SNAP91: variants seen among roughly 807,000 people sequenced by gnomAD.
SNAP91 encodes clathrin coat assembly protein AP180.
A neutral mutation model predicts 100.3 loss-of-function variants in SNAP91; 27 were observed. The ratio of observed to expected loss-of-function variants is 0.27; its 90% confidence interval spans 0.20 to 0.37. SNAP91 has a LOEUF of 0.37. Among genes scored for constraint, SNAP91 ranks in the 10% least tolerant of loss-of-function variants. The pLI is 1.00. For synonymous variants in SNAP91, 404 were observed against 398.6 expected (o/e 1.01, Z -0.16); for missense variants, 986 against 1,123.7 (o/e 0.88, Z 1.75).
intron 28 of SNAP91, among the ~76,000 whole-genome samples, chr6:83,558,002 T>G (rs1489376138): frequency 6.6e-6 from 1 of 152,022 alleles, no homozygotes; most frequent in East Asian, 1.9e-4. Context: ...TATCATTACC[T>G]GGCTTATTAT....
At chr6:83,598,587 T>C (rs1332439015) in intron 16 of SNAP91, among the ~76,000 whole-genome samples, 2 of 152,192 alleles carry the variant, frequency 1.3e-5, no homozygotes, top group African/African-American at 4.8e-5. Flanking sequence ...CTGTACATAT[T>C]GCATAGGACC....
Position 83,640,487 on chromosome 6 carries a change from T to G in SNAP91, c.765+609A>C, listed in dbSNP as rs1024285253. Among the ~76,000 whole-genome samples, 9 of 152,274 alleles carry G rather than the reference T, an allele frequency of 5.9e-5. No homozygotes were observed. In the Middle Eastern group the frequency reaches 0.01, roughly 174 times the overall value. ...AATGTTATAATTTCCAATATCAGCATGAATCATTAATTGGATTTTATAAGA... is the reference window on the plus strand; with the variant it reads ...AATGTTATAATTTCCAATATCAGCAGGAATCATTAATTGGATTTTATAAGA... On this transcript the variant is annotated intron_variant, in intron 8 of 29. Coordinates refer to ENST00000369694, the MANE Select transcript of SNAP91 (RefSeq NM_001242792.2).
chr6:83,614,108 C>G (rs1056891581), intron 11 of SNAP91, among the ~76,000 whole-genome samples: 1 of 152,074 alleles, frequency 6.6e-6, no homozygotes, highest in African/African-American at 2.4e-5. Flanking sequence ...TAACAATAAT[C>G]CCTACATAAT....
At chr6:83,681,224 C>A (rs1483701605) in intron 2 of SNAP91, among the ~76,000 whole-genome samples, 1 of 152,128 alleles carries the variant, frequency 6.6e-6, no homozygotes, top group African/African-American at 2.4e-5. Flanking sequence ...ATTTCTGAAG[C>A]AATTGTAGGT....
chr6:83,586,985 T>C (rs1323479028), intron 22 of SNAP91, among the ~76,000 whole-genome samples: 2 of 152,212 alleles, frequency 1.3e-5, no homozygotes, highest in Non-Finnish European at 2.9e-5. Flanking sequence ...TCAAGTGCTG[T>C]TTAATTCTGG....
At chr6:83,651,599 G>A (rs1317519528) in intron 7 of SNAP91, among the ~76,000 whole-genome samples, 1 of 152,120 alleles carries the variant, frequency 6.6e-6, no homozygotes, top group Non-Finnish European at 1.5e-5. Context: ...TGGTCTGAGA[G>A]CAGATGGTTG....
chr6:83,558,944 A>G (rs1782953176), intron 28 of SNAP91, among the ~76,000 whole-genome samples: 1 of 152,242 alleles, frequency 6.6e-6, no homozygotes, highest in Non-Finnish European at 1.5e-5. Flanking sequence ...ACTAGCAGCA[A>G]AACGGTTCAA....
chr6:83,660,407 A>G (rs908847147), intron 5 of SNAP91, among the ~76,000 whole-genome samples: 28 of 152,230 alleles, frequency 1.8e-4, no homozygotes, highest in African/African-American at 6.3e-4. Flanking sequence ...AACTAAGGTC[A>G]GGTTAGCCAT....
At chr6:83,655,092 A>T (rs999627666) in intron 7 of SNAP91, among the ~76,000 whole-genome samples, 1 of 152,194 alleles carries the variant, frequency 6.6e-6, no homozygotes, top group Non-Finnish European at 1.5e-5. Context: ...AGCTGCCTTG[A>T]TAAGTCACAT....
chr6:83,669,642 C>G (rs2098748271), intron 2 of SNAP91, among the ~76,000 whole-genome samples: 1 of 151,948 alleles, frequency 6.6e-6, no homozygotes, highest in Admixed American at 6.6e-5. Context: ...TTAAAAATTC[C>G]TCTTTCTCTT....
chr6:83,587,105 T>G (rs1485582865), intron 22 of SNAP91, among the ~76,000 whole-genome samples: 2 of 152,216 alleles, frequency 1.3e-5, no homozygotes, highest in African/African-American at 4.8e-5. Flanking sequence ...TTTTCAAGTT[T>G]CAAAATGATA....
intron 2 of SNAP91, among the ~76,000 whole-genome samples, chr6:83,689,408 C>A (rs2099103496): frequency 1.3e-5 from 2 of 152,186 alleles, no homozygotes; most frequent in African/African-American, 4.8e-5. Flanking sequence ...AGAAAACTAA[C>A]ACCTAGGAGA....
At chr6:83,626,013 A>G (rs1348383845) in intron 8 of SNAP91, among the ~76,000 whole-genome samples, 1 of 151,954 alleles carries the variant, frequency 6.6e-6, no homozygotes, top group Non-Finnish European at 1.5e-5. Context: ...TCTTTTATCC[A>G]TCTTTAGTAA....
chr6:83,648,831 T>C (rs1445329195), intron 7 of SNAP91, among the ~76,000 whole-genome samples: 1 of 152,194 alleles, frequency 6.6e-6, no homozygotes, highest in Admixed American at 6.5e-5. Context: ...GTTCTTTTAT[T>C]TGTTCTTGAT....
chr6:83,649,113 T>C (rs1477728079), intron 7 of SNAP91, among the ~76,000 whole-genome samples: 1 of 152,240 alleles, frequency 6.6e-6, no homozygotes, highest in Non-Finnish European at 1.5e-5. Flanking sequence ...TATTATTTAC[T>C]ACTGAATAAC....
intron 2 of SNAP91, among the ~76,000 whole-genome samples, chr6:83,687,898 G>T (rs1277502447): frequency 6.6e-6 from 1 of 152,144 alleles, no homozygotes; most frequent in Admixed American, 6.5e-5. Flanking sequence ...CAAAATTTTG[G>T]CTTGAGCAAC....
At chr6:83,642,176 TTC>T (rs2097733667) in intron 7 of SNAP91, among the ~76,000 whole-genome samples, 1 of 151,692 alleles carries the variant, frequency 6.6e-6, no homozygotes, top group South Asian at 2.1e-4. Flanking sequence ...TTTTTCAGTA[TTC>T]TTTTTTTAAT....
At chr6:83,664,599 G>A in intron 3 of SNAP91, among the ~76,000 whole-genome samples, 1 of 152,126 alleles carries the variant, frequency 6.6e-6, no homozygotes, top group Middle Eastern at 3.2e-3. Flanking sequence ...AAATTTGAAT[G>A]GATGAGGAGT....
intron 12 of SNAP91, among the ~76,000 whole-genome samples, 152 bp downstream of exon 12, chr6:83,610,498 T>C (rs2128305600): frequency 6.7e-6 from 1 of 150,174 alleles, no homozygotes; most frequent in East Asian, 2.0e-4. Context: ...AGTTACAGTT[T>C]TGAAAGATAA....
Sources: allele counts gnomAD v4.1 joint callset (sites outside exome capture counted in the v4.1 genomes callset), GRCh38; gene constraint gnomAD v4.1.1; transcripts MANE v1.5; gene names NCBI Gene and HGNC (gene_info 2026-07-23, HGNC 2026-07-21).